FAM120B: variants seen among roughly 807,000 people sequenced by gnomAD.
FAM120B encodes the protein constitutive coactivator of peroxisome proliferator-activated receptor gamma.
FAM120B carries 83 observed loss-of-function variants against 96.3 expected under a neutral mutation model. That is an observed-to-expected ratio of 0.86 (90% CI 0.72 to 1.03). The LOEUF (loss-of-function observed/expected upper bound fraction) is 1.03, where lower values mean the gene tolerates loss of function less well. Ranked by LOEUF, FAM120B falls within the 50% of genes least tolerant of loss-of-function variation. The pLI is 0.00. For missense variants in FAM120B, 1,027 were observed against 1,121.2 expected (o/e 0.92, Z 1.20); for synonymous variants, 407 against 402.7 (o/e 1.01, Z -0.13).
At chr6:170,299,951 T>C (rs1000887314) in intron 1 of FAM120B, among the ~76,000 whole-genome samples, 6 of 152,266 alleles carry the variant, frequency 3.9e-5, no homozygotes, top group African/African-American at 1.2e-4. Context: ...AAGAGGAACA[T>C]TGTCTTTCTA....
At chr6:170,394,390 T>G (rs1283261147) in intron 8 of FAM120B, among the ~76,000 whole-genome samples, 1 of 152,218 alleles carries the variant, frequency 6.6e-6, no homozygotes, top group Non-Finnish European at 1.5e-5. Flanking sequence ...GACAAGGGGG[T>G]TGGTCCTGAG....
intron 3 of FAM120B, among the ~76,000 whole-genome samples, chr6:170,325,534 T>G (rs936291309): frequency 7.1e-6 from 1 of 141,360 alleles, no homozygotes; most frequent in African/African-American, 2.5e-5. Context: ...AGATTTACCT[T>G]TAAAAAAAAA....
intron 5 of FAM120B, 94 bp from the exon 6 acceptor site, chr6:170,358,132 A>T: frequency 1.8e-6 from 2 of 1,092,628 alleles, no homozygotes; most frequent in Non-Finnish European, 2.7e-6. Context: ...GTTTGCGCCT[A>T]TACACACACT....
At chr6:170,329,561 G>C (rs191011190) in intron 3 of FAM120B, among the ~76,000 whole-genome samples, 1 of 152,126 alleles carries the variant, frequency 6.6e-6, no homozygotes, top group East Asian at 1.9e-4. Context: ...GCAAAGTCGA[G>C]TGCTGGAGTG....
chr6:170,294,289 T>C (rs569741335), upstream of FAM120B, among the ~76,000 whole-genome samples: 3 of 152,364 alleles, frequency 2.0e-5, no homozygotes, highest in South Asian at 6.2e-4. The surrounding 1 kb of genome is among the most constrained non-coding windows in gnomAD (Gnocchi z 7.9). Context: ...GGAAATTTAC[T>C]GTACAAAGTG....
At chr6:170,388,911 C>T (rs775729914) in intron 7 of FAM120B, among the ~76,000 whole-genome samples, 1 of 152,200 alleles carries the variant, frequency 6.6e-6, no homozygotes, top group Non-Finnish European at 1.5e-5. Flanking sequence ...ATTAACACAT[C>T]ATTTGTATTA....
chr6:170,345,569 C>T lies in FAM120B; in HGVS notation c.2018-2582C>T, dbSNP rs145457746. Among the ~76,000 whole-genome samples, 275 of 152,360 alleles carry T rather than the reference C, an allele frequency of 1.8e-3. 1 individual carries two copies. The highest frequency in any genetic ancestry group is 6.5e-3 in the African/African-American group (269 of 41,590). ...CATGTGGGGCCACTCAGGTGCAGAGCACCTAGAATTGTATGTATCAGTGCA... is the reference window on the plus strand; with the variant it reads ...CATGTGGGGCCACTCAGGTGCAGAGTACCTAGAATTGTATGTATCAGTGCA... On this transcript the variant is annotated intron_variant, in intron 4 of 10. Coordinates refer to ENST00000476287, the MANE Select transcript of FAM120B (RefSeq NM_032448.3).
At position 170,318,142 on chromosome 6, in the gene FAM120B, C is replaced by A; in HGVS notation, c.752C>A (p.Thr251Asn). Residue 251 changes from threonine (T) to asparagine (N), a missense_variant, in exon 2 of 11, where the codon ACC (threonine) becomes AAC (asparagine). Physicochemically the swap from Thr to Asn is moderately conservative, Grantham distance 65. Coordinates refer to ENST00000476287, the MANE Select transcript of FAM120B (RefSeq NM_032448.3). ...AGGTACAAATGCTTATCGTCCTACA[C>A]CTCTGTAAAAGAGAACTTTGACAAA... ...SFRYKCLSSYTSVKENFDKKG... is the reference protein window; with the variant it reads ...SFRYKCLSSYNSVKENFDKKG... 6.2e-7 allele frequency: 1 copy of A among 1,614,216 alleles called. No individual in the cohort carries two copies. Among genetic ancestry groups the A allele is most frequent in the African/African-American group, 1.3e-5 (1 of 75,056 alleles).
intron 9 of FAM120B, among the ~76,000 whole-genome samples, chr6:170,395,813 G>A (rs896133738): frequency 6.6e-6 from 1 of 152,182 alleles, no homozygotes; most frequent in Admixed American, 6.5e-5. Context: ...TTTTCTATCA[G>A]TTCATTCTGC....
At chr6:170,333,515 ATCT>A (rs1474866613) in intron 4 of FAM120B, among the ~76,000 whole-genome samples, 2 of 146,758 alleles carry the variant, frequency 1.4e-5, no homozygotes, top group Admixed American at 6.8e-5. Flanking sequence ...TGTGAGCCTC[ATCT>A]TTTTTTTTTT....
At chr6:170,355,632 G>A (rs566346917) in intron 5 of FAM120B, among the ~76,000 whole-genome samples, 97 of 152,212 alleles carry the variant, frequency 6.4e-4, no homozygotes, top group Non-Finnish European at 1.2e-3. Flanking sequence ...TTGATACCTA[G>A]GTGATGAGAT....
At chr6:170,380,485 C>T (rs1007190264) in intron 6 of FAM120B, among the ~76,000 whole-genome samples, 2 of 152,162 alleles carry the variant, frequency 1.3e-5, no homozygotes, top group Admixed American at 6.5e-5. Context: ...TACAAGGGTT[C>T]CCCTTTCTCC....
At chr6:170,321,470 C>G (rs1785281788) in intron 2 of FAM120B, among the ~76,000 whole-genome samples, 1 of 152,146 alleles carries the variant, frequency 6.6e-6, no homozygotes, top group Non-Finnish European at 1.5e-5. Context: ...CTCTGCCTCC[C>G]AGGTTCAAGC....
upstream of FAM120B, chr6:170,290,974 C>T (rs1783853146): frequency 5.7e-6 from 4 of 701,550 alleles, no homozygotes; most frequent in Non-Finnish European, 1.0e-5. The surrounding 1 kb of genome is among the most constrained non-coding windows in gnomAD (Gnocchi z 4.7). Flanking sequence ...CGGCCGCCCG[C>T]ATGGCTAATG....
At position 170,375,332 on chromosome 6, in the gene FAM120B, A is replaced by G. The variant is rs564474754; in HGVS notation, c.2284-12955A>G. 7.9e-5 allele frequency among the ~76,000 whole-genome samples: 12 copies of G among 152,344 alleles called. No homozygotes were observed. The East Asian group carries it at 1.9e-3, about 24-fold the overall frequency. ...GTCCATTCCTTCAGGGTGGAAACTGACTGTTGGCAAAACACAGTTCTCAGG... is the reference window on the plus strand; with the variant it reads ...GTCCATTCCTTCAGGGTGGAAACTGGCTGTTGGCAAAACACAGTTCTCAGG... On this transcript the variant is annotated intron_variant, in intron 6 of 10. Coordinates refer to ENST00000476287, the MANE Select transcript of FAM120B (RefSeq NM_032448.3).
rs139236942 is a variant in FAM120B at position 170,340,267 on chromosome 6, A to C, written c.2018-7884A>C. Among the ~76,000 whole-genome samples the C allele has an allele frequency of 0.01, 1,566 of 152,142 alleles. 67 individuals carry two copies. In the East Asian group the frequency reaches 0.1, roughly 10 times the overall value. On this transcript the variant is annotated intron_variant, in intron 4 of 10. Transcript: ENST00000476287. The stretch of plus-strand genomic sequence containing the variant: ...TCTTCAATCTGTGATATCCTTTCTA[A>C]CACTTGATTGATTTGGCTATTGATA...
intron 1 of FAM120B, among the ~76,000 whole-genome samples, chr6:170,297,157 C>T (rs935265418): frequency 5.3e-5 from 8 of 152,240 alleles, no homozygotes; most frequent in Non-Finnish European, 7.3e-5. Flanking sequence ...CTGGGCCTGT[C>T]TGGCTGCAGG....
At chr6:170,369,620 G>C (rs957896901) in intron 6 of FAM120B, among the ~76,000 whole-genome samples, 1 of 151,826 alleles carries the variant, frequency 6.6e-6, no homozygotes, top group Non-Finnish European at 1.5e-5. Flanking sequence ...AGGCCCCGGG[G>C]CTGAACCCGC....
rs1000820856 is a variant in FAM120B, at chr6:170,406,365, TA to T, written c.*1619del. 1.1e-4 allele frequency: 17 copies of T among 152,166 alleles called. No homozygotes were observed. The highest frequency in any genetic ancestry group is 2.6e-4 in the Admixed American group (4 of 15,282). 9.4% of individuals were successfully genotyped at this position (152,166 alleles called of 1,614,324 possible). The stretch of plus-strand genomic sequence containing the variant: ...ACATTTCCTTCTGGTTGTTGCTCTT[TA>T]AAAACAAAATAAGCCCCTGAACGTG... On this transcript the variant is annotated 3_prime_UTR_variant, in exon 11 of 11. Coordinates refer to ENST00000476287, the MANE Select transcript of FAM120B (RefSeq NM_032448.3).
Sources: allele counts gnomAD v4.1 joint callset (sites outside exome capture counted in the v4.1 genomes callset), GRCh38; gene constraint gnomAD v4.1.1; non-coding constraint Gnocchi (gnomAD v3.1); transcripts MANE v1.5; gene names NCBI Gene and HGNC (gene_info 2026-07-23, HGNC 2026-07-21).